EPHA3: variants seen among roughly 807,000 people sequenced by gnomAD.
EPHA3 encodes the protein EPH receptor A3.
A neutral mutation model predicts 107.1 loss-of-function variants in EPHA3; 42 were observed. The observed-to-expected ratio is 0.39, with a 90% CI of 0.31 to 0.51. The LOEUF (loss-of-function observed/expected upper bound fraction) is 0.51. Among genes scored for constraint, EPHA3 ranks in the 20% least tolerant of loss-of-function variants. The pLI, the probability that EPHA3 is intolerant of heterozygous loss-of-function variation, is 0.78. For synonymous variants in EPHA3, 461 were observed against 424.8 expected, an observed-to-expected ratio of 1.09 and a Z score of -1.05; for missense variants, 1,183 against 1,211.2, an observed-to-expected ratio of 0.98 and a Z score of 0.35.
intron 5 of EPHA3, among the ~76,000 whole-genome samples, chr3:89,368,687 T>A (rs1186703031): frequency 6.6e-6 from 1 of 150,396 alleles, no homozygotes; most frequent in East Asian, 1.9e-4. Flanking sequence ...GCCCTCTGCC[T>A]TGTTCTATTT....
In EPHA3 at chr3:89,479,559, A is replaced by G. The variant is rs1215251217; in HGVS notation, c.*57A>G. ...TGGTGGCTGTGGAAGGCGTAGCATC[A>G]TCCTGCAGACAGACAATAATTCTGG... On this transcript the variant is annotated 3_prime_UTR_variant, in exon 17 of 17. Transcript: ENST00000336596. 1 of 1,328,030 alleles carries G rather than the reference A, an allele frequency of 7.5e-7. No homozygotes were observed. Among genetic ancestry groups the G allele is most frequent in the Non-Finnish European group, 1.1e-6 (1 of 923,930 alleles). 82.3% of individuals were successfully genotyped at this position (1,328,030 alleles called of 1,614,324 possible).
chr3:89,426,245 A>G (rs1329685977), intron 11 of EPHA3, among the ~76,000 whole-genome samples: 1 of 151,768 alleles, frequency 6.6e-6, no homozygotes, highest in African/African-American at 2.4e-5. Flanking sequence ...TGCGCAGATG[A>G]GCTGGCATTT....
chr3:89,289,548 A>G (rs1706163873), intron 3 of EPHA3, among the ~76,000 whole-genome samples: 1 of 152,142 alleles, frequency 6.6e-6, no homozygotes, highest in South Asian at 2.1e-4. Flanking sequence ...AAATTTCTGT[A>G]TCTGAGGTAT....
chr3:89,468,281 G>GAC (rs1161365314), intron 15 of EPHA3, among the ~76,000 whole-genome samples: 1 of 151,182 alleles, frequency 6.6e-6, no homozygotes, highest in African/African-American at 2.4e-5. Context: ...GATGCACTTT[G>GAC]ATCCAAGTCA....
chr3:89,158,072 T>G (rs11128068), intron 2 of EPHA3, among the ~76,000 whole-genome samples: 54,382 of 151,908 alleles, frequency 0.36, 11,947 homozygotes, highest in Non-Finnish European at 0.47. Flanking sequence ...ATACCATTGC[T>G]TCACAAATAT....
At chr3:89,240,952 A>T (rs922438229) in intron 3 of EPHA3, among the ~76,000 whole-genome samples, 1 of 152,100 alleles carries the variant, frequency 6.6e-6, no homozygotes, top group Non-Finnish European at 1.5e-5. Flanking sequence ...AATTAAGGAC[A>T]TGGATTAAAA....
intron 16 of EPHA3, among the ~76,000 whole-genome samples, chr3:89,476,322 G>A (rs1710506279): frequency 6.7e-6 from 1 of 148,198 alleles, no homozygotes; most frequent in African/African-American, 2.5e-5. Flanking sequence ...AGGAGGTGCA[G>A]CTATGAAGAA....
chr3:89,136,736 C>A (rs1704324231), intron 2 of EPHA3, among the ~76,000 whole-genome samples: 1 of 151,656 alleles, frequency 6.6e-6, no homozygotes, highest in Non-Finnish European at 1.5e-5. Flanking sequence ...GCTTTATAAT[C>A]CTTACCTAAC....
At chr3:89,337,954 T>G (rs1250387553) in intron 3 of EPHA3, among the ~76,000 whole-genome samples, 1 of 152,202 alleles carries the variant, frequency 6.6e-6, no homozygotes, top group Non-Finnish European at 1.5e-5. Flanking sequence ...CTTTCACTCA[T>G]GATCACATGT....
chr3:89,413,191 C>T lies in EPHA3; in HGVS notation c.1813C>T (p.Pro605Ser), dbSNP rs1439127416. 3 of 1,611,790 alleles carry T rather than the reference C, an allele frequency of 1.9e-6. No homozygotes were observed. The highest frequency in any genetic ancestry group is 1.1e-5 in the South Asian group (1 of 91,042). Residue 605 changes from proline to serine, a missense_variant, in exon 10 of 17, where the codon CCT becomes TCT. By Grantham distance (74) the Pro-to-Ser change is moderately conservative. Coordinates refer to ENST00000336596, the MANE Select transcript of EPHA3 (RefSeq NM_005233.6). The part of the protein sequence containing the change: ...TYVDPHTYED[P>S]TQAVHEFAKE... Reference sequence around the variant, plus strand: ...TGTTGACCCACATACATATGAAGACCCTACCCAAGCTGTTCATGAGTTTGC... The same window carrying T: ...TGTTGACCCACATACATATGAAGACTCTACCCAAGCTGTTCATGAGTTTGC...
chr3:89,197,296 C>T (rs1209119118), intron 2 of EPHA3, among the ~76,000 whole-genome samples: 3 of 151,746 alleles, frequency 2.0e-5, no homozygotes, highest in Admixed American at 6.6e-5. Context: ...CACTTACTAT[C>T]GATATTATCT....
At chr3:89,383,741 C>T (rs1384454312) in intron 5 of EPHA3, among the ~76,000 whole-genome samples, 27 of 150,806 alleles carry the variant, frequency 1.8e-4, no homozygotes, top group Admixed American at 6.6e-5. Flanking sequence ...CTCCACCTCC[C>T]GGGTTCACGT....
At chr3:89,158,995 G>A (rs909287642) in intron 2 of EPHA3, among the ~76,000 whole-genome samples, 6 of 151,904 alleles carry the variant, frequency 3.9e-5, no homozygotes, top group Non-Finnish European at 8.8e-5. Flanking sequence ...GTAGGGCAAG[G>A]GCAATATATT....
At chr3:89,384,542 A>G (rs910754379) in intron 5 of EPHA3, among the ~76,000 whole-genome samples, 1 of 152,246 alleles carries the variant, frequency 6.6e-6, no homozygotes, top group Non-Finnish European at 1.5e-5. Context: ...TCTAACAAAC[A>G]GAAGTGTGAA....
intron 3 of EPHA3, among the ~76,000 whole-genome samples, chr3:89,333,889 A>T (rs768114262): frequency 1.3e-5 from 2 of 152,146 alleles, no homozygotes; most frequent in Non-Finnish European, 2.9e-5. Context: ...AAGAAAAAAA[A>T]AAATAAAAAA....
At chr3:89,246,318 G>T (rs1335607061) in intron 3 of EPHA3, among the ~76,000 whole-genome samples, 2 of 152,188 alleles carry the variant, frequency 1.3e-5, no homozygotes, top group East Asian at 3.9e-4. Flanking sequence ...TCCCAGGAAA[G>T]AATAAATAAA....
intron 3 of EPHA3, among the ~76,000 whole-genome samples, chr3:89,220,693 T>C (rs541912363): frequency 6.6e-6 from 1 of 152,242 alleles, no homozygotes; most frequent in East Asian, 1.9e-4. Flanking sequence ...TGAAATCAAA[T>C]CTAACATTTG....
At chr3:89,226,110 C>T (rs1308455507) in intron 3 of EPHA3, among the ~76,000 whole-genome samples, 1 of 152,052 alleles carries the variant, frequency 6.6e-6, no homozygotes, top group Non-Finnish European at 1.5e-5. Context: ...AGATTAGAAA[C>T]ATCATTGCTT....
At position 89,107,966 on chromosome 3, in the gene EPHA3, A is replaced by G. The variant is rs1295400363; in HGVS notation, c.88+130A>G. 6 of 756,582 alleles carry G rather than the reference A, an allele frequency of 7.9e-6. No individual in the cohort carries two copies. In the East Asian group the frequency reaches 1.1e-4, roughly 13 times the overall value. The allele number at this position is 756,582 out of a possible 1,614,324, so 46.9% of individuals were successfully genotyped here. On this transcript the variant is annotated intron_variant, in intron 1 of 16. Transcript: ENST00000336596. ...GAGCAGTTTGCTCTGAGAGTGAAGGAAAGATGTGCCTTTTTTTTTTCCAAC... is the reference window on the plus strand; with the variant it reads ...GAGCAGTTTGCTCTGAGAGTGAAGGGAAGATGTGCCTTTTTTTTTTCCAAC...
Sources: allele counts gnomAD v4.1 joint callset (sites outside exome capture counted in the v4.1 genomes callset), GRCh38; gene constraint gnomAD v4.1.1; transcripts MANE v1.5; gene names NCBI Gene and HGNC (gene_info 2026-07-23, HGNC 2026-07-21).